The following RNF24 variants were observed in gnomAD, a reference collection of about 807,000 sequenced individuals.
The protein encoded by RNF24 is ring finger protein 24.
RNF24 carries 14 observed loss-of-function variants against 20.0 expected under a neutral mutation model. That is an observed-to-expected ratio of 0.70 (90% CI 0.46 to 1.10). The LOEUF (loss-of-function observed/expected upper bound fraction) is 1.10, where lower values mean the gene tolerates loss of function less well. RNF24 is among the 50% of genes least tolerant of loss of function. The probability of loss-of-function intolerance (pLI) is 0.00; values close to 1 mark genes in which losing one functional copy is unlikely to be tolerated. For missense variants in RNF24, 124 were observed against 177.6 expected, an observed-to-expected ratio of 0.70 and a Z score of 1.71; for synonymous variants, 45 against 61.1, an observed-to-expected ratio of 0.74 and a Z score of 1.23.
chr20:3,987,375 T>C (rs1980021372), intron 1 of RNF24, among the ~76,000 whole-genome samples: 1 of 152,208 alleles, frequency 6.6e-6, no homozygotes, highest in South Asian at 2.1e-4. Context: ...TACTTAATTT[T>C]AGAAAAAAGC....
intron 1 of RNF24, among the ~76,000 whole-genome samples, chr20:3,998,773 TA>T (rs56673788): frequency 1.5e-5 from 2 of 133,718 alleles, no homozygotes; most frequent in Admixed American, 7.6e-5. Flanking sequence ...AAAATTAAAT[TA>T]AAAAAAATAA....
intron 2 of RNF24, among the ~76,000 whole-genome samples, chr20:3,952,020 TTC>T (rs769458242): frequency 1.3e-5 from 2 of 152,184 alleles, no homozygotes; most frequent in Non-Finnish European, 1.5e-5. Flanking sequence ...GAACAGCACT[TTC>T]TCTTAATACT....
chr20:3,927,436 CA>C lies in RNF24; in HGVS notation c.*6626del, dbSNP rs1183540400. On this transcript the variant is annotated 3_prime_UTR_variant, in exon 6 of 6. Transcript: ENST00000358395. ...ATTAAATATACAAAAATATAGCTTA[CA>C]AAAAACTGCGAATGTTTAAAAATAT... 9 of 152,116 alleles carry C rather than the reference CA, an allele frequency of 5.9e-5. No homozygotes were observed. Among genetic ancestry groups the C allele is most frequent in the Non-Finnish European group, 1.2e-4 (8 of 68,028 alleles). 9.4% of individuals were successfully genotyped at this position (152,116 alleles called of 1,614,324 possible).
intron 1 of RNF24, among the ~76,000 whole-genome samples, chr20:3,978,194 T>C (rs555896096): frequency 7.3e-4 from 110 of 151,582 alleles, no homozygotes; most frequent in Middle Eastern, 3.4e-3. Flanking sequence ...TGTGCCACCA[T>C]ACCCGGCTAA....
At chr20:3,974,337 TA>T in intron 1 of RNF24, 1 of 1,550,822 alleles carries the variant, frequency 6.4e-7, no homozygotes, top group Non-Finnish European at 8.7e-7. Flanking sequence ...CTTACCCCCC[TA>T]AGACCGGGAA....
At chr20:4,000,543 T>G (rs927591944) in intron 1 of RNF24, among the ~76,000 whole-genome samples, 2 of 152,030 alleles carry the variant, frequency 1.3e-5, no homozygotes, top group Non-Finnish European at 2.9e-5. Flanking sequence ...AAAATTATAT[T>G]AATGCATATA....
At chr20:3,941,813 G>A (rs190973903) in intron 4 of RNF24, among the ~76,000 whole-genome samples, 32 of 152,264 alleles carry the variant, frequency 2.1e-4, no homozygotes, top group African/African-American at 6.0e-4. Flanking sequence ...GGTGGCTCAC[G>A]CCTGTAATCC....
chr20:3,974,459 A>T (rs1978681114), intron 1 of RNF24: 2 of 1,411,098 alleles, frequency 1.4e-6, no homozygotes, highest in East Asian at 5.3e-5. Context: ...GAAAGGAAGA[A>T]ATTAAACTGA....
chr20:3,993,369 C>A (rs1216826572), intron 1 of RNF24, among the ~76,000 whole-genome samples: 1 of 152,048 alleles, frequency 6.6e-6, no homozygotes, highest in Non-Finnish European at 1.5e-5. Flanking sequence ...CTCACTGCAA[C>A]CTCCACCTCC....
chr20:3,988,574 C>T (rs6037714), intron 1 of RNF24, among the ~76,000 whole-genome samples: 2,108 of 150,938 alleles, frequency 0.014, 50 homozygotes, highest in South Asian at 0.065. Context: ...ATCCTTCTGC[C>T]TTAGCCTCCC....
intron 4 of RNF24, among the ~76,000 whole-genome samples, chr20:3,938,132 T>G (rs1297095209): frequency 6.6e-6 from 1 of 152,228 alleles, no homozygotes; most frequent in Non-Finnish European, 1.5e-5. Flanking sequence ...TCTTGTCTTT[T>G]TTACTATAGT....
intron 1 of RNF24, among the ~76,000 whole-genome samples, chr20:4,001,432 C>T (rs1981380352): frequency 6.6e-6 from 1 of 152,124 alleles, no homozygotes; most frequent in African/African-American, 2.4e-5. Flanking sequence ...TGGGGTTATT[C>T]ATCAAGTGCT....
chr20:3,931,405 TAAA>T lies in RNF24; in HGVS notation c.*2655_*2657del, dbSNP rs763453878. 1 of 151,680 alleles carries T rather than the reference TAAA, an allele frequency of 6.6e-6. No individual in the cohort carries two copies. Among genetic ancestry groups the T allele is most frequent in the Admixed American group, 6.6e-5 (1 of 15,226 alleles). 9.4% of individuals were successfully genotyped at this position (151,680 alleles called of 1,614,324 possible). On this transcript the variant is annotated 3_prime_UTR_variant, in exon 6 of 6. Coordinates refer to ENST00000358395, the MANE Select transcript of RNF24 (RefSeq NM_001134337.3). Reference sequence around the variant, plus strand: ...TAACTCATTCCTTTTTCAAAATAAATAAAAAAAGGACTGTCTTTCAAACAAAAA... The same window carrying T: ...TAACTCATTCCTTTTTCAAAATAAATAAAAGGACTGTCTTTCAAACAAAAA...
chr20:4,008,326 TATATAATATATATATTATAC>T lies in RNF24; in HGVS notation c.-8+7091_-8+7110del, dbSNP rs1350122404. On this transcript the variant is annotated intron_variant, in intron 1 of 5. Transcript: ENST00000358395. ...ACTGCAAATATATATATATATTATA[TATATAATATATATATTATAC>T]ATGTAATATGTATAATATATATATT... Among the ~76,000 whole-genome samples the T allele has an allele frequency of 1.1e-3, 104 of 91,076 alleles. 1 individual carries two copies. The highest frequency in any genetic ancestry group is 4.8e-3 in the Middle Eastern group (1 of 208). The allele number at this position is 91,076 out of a possible 152,430, so 59.7% of individuals were successfully genotyped here. A position where few individuals can be genotyped will look rare whatever the true frequency, so the allele number is the denominator to read the frequency against.
chr20:3,972,330 G>A (rs890394837), intron 1 of RNF24, among the ~76,000 whole-genome samples: 4 of 152,098 alleles, frequency 2.6e-5, no homozygotes, highest in Non-Finnish European at 5.9e-5. Context: ...ACTCTACCTA[G>A]CAACAGCAAA....
At chr20:3,981,761 T>C (rs1979404520) in intron 1 of RNF24, among the ~76,000 whole-genome samples, 1 of 152,212 alleles carries the variant, frequency 6.6e-6, no homozygotes, top group African/African-American at 2.4e-5. Flanking sequence ...AACACTACTC[T>C]TCCTCTTTAA....
Position 3,932,906 on chromosome 20 carries a change from A to T in RNF24, c.*1157T>A. 1 of 398,614 alleles carries T rather than the reference A, an allele frequency of 2.5e-6. No homozygotes were observed. The highest frequency in any genetic ancestry group is 4.4e-5 in the Admixed American group (1 of 22,730). The allele number at this position is 398,614 out of a possible 1,614,324, so 24.7% of individuals were successfully genotyped here. ...GTTTCTCTCCTATAAAGACACTTTC[A>T]CTTTCAGTTTCGGAAGTCCAAATAC... On this transcript the variant is annotated 3_prime_UTR_variant, in exon 6 of 6. Coordinates refer to ENST00000358395, the MANE Select transcript of RNF24 (RefSeq NM_001134337.3).
At chr20:4,007,371 C>T (rs1165381642) in intron 1 of RNF24, among the ~76,000 whole-genome samples, 1 of 152,010 alleles carries the variant, frequency 6.6e-6, no homozygotes, top group Non-Finnish European at 1.5e-5. Context: ...GAATATACTT[C>T]GTACTGCTAC....
rs2090766853 is a variant in RNF24 at position 3,928,729 on chromosome 20, CAG to C, written c.*5332_*5333del. 9.4e-6 allele frequency: 1 copy of C among 106,640 alleles called. No individual in the cohort carries two copies. Among genetic ancestry groups the C allele is most frequent in the South Asian group, 3.2e-4 (1 of 3,148 alleles). 6.6% of individuals were successfully genotyped at this position (106,640 alleles called of 1,614,324 possible). ...TGCCACTGCATTCCAGCCTGGGTGA[CAG>C]AGCGAGACTCCGTCTCAAAAAAAAA... On this transcript the variant is annotated 3_prime_UTR_variant, in exon 6 of 6. Coordinates refer to ENST00000358395, the MANE Select transcript of RNF24 (RefSeq NM_001134337.3).
Sources: gnomAD v4.1 joint callset for allele counts (sites outside exome capture counted in the v4.1 genomes callset) on GRCh38, gnomAD v4.1.1 for gene constraint, MANE v1.5 for transcripts, NCBI Gene and HGNC (gene_info 2026-07-23, HGNC 2026-07-21) for gene names.